ZBTB7C: variants seen among roughly 807,000 people sequenced by gnomAD.
ZBTB7C encodes zinc finger and BTB domain-containing protein 7C.
A neutral mutation model predicts 25.7 loss-of-function variants in ZBTB7C; 8 were observed. The observed-to-expected ratio is 0.31, with a 90% confidence interval of 0.18 to 0.56. The LOEUF (loss-of-function observed/expected upper bound fraction) is 0.56, where lower values mean the gene tolerates loss of function less well. ZBTB7C is among the 20% of genes least tolerant of loss of function. The probability of loss-of-function intolerance (pLI) is 0.91; values close to 1 mark genes in which losing one functional copy is unlikely to be tolerated. For missense variants in ZBTB7C, 824 were observed against 855.2 expected (o/e 0.96, Z 0.46); for synonymous variants, 394 against 369.0 (o/e 1.07, Z -0.78).
chr18:48,153,476 G>A (rs573187258), intron 3 of ZBTB7C, among the ~76,000 whole-genome samples: 1 of 152,266 alleles, frequency 6.6e-6, no homozygotes, highest in South Asian at 2.1e-4. Context: ...GTTGGGGTCT[G>A]CATGATGATT....
At chr18:48,218,797 C>A (rs942762667) in intron 2 of ZBTB7C, among the ~76,000 whole-genome samples, 1 of 152,198 alleles carries the variant, frequency 6.6e-6, no homozygotes, top group Non-Finnish European at 1.5e-5. Flanking sequence ...CAGGCCTGCC[C>A]TGCTACAGCT....
At chr18:48,328,553 T>C (rs1012857360) in intron 2 of ZBTB7C, among the ~76,000 whole-genome samples, 8 of 152,156 alleles carry the variant, frequency 5.3e-5, no homozygotes, top group African/African-American at 1.9e-4. Context: ...ATGTCCAAAG[T>C]AAGTCAGAGG....
intron 2 of ZBTB7C, among the ~76,000 whole-genome samples, chr18:48,195,340 G>A (rs907562717): frequency 2.6e-5 from 4 of 152,168 alleles, no homozygotes; most frequent in African/African-American, 9.7e-5. Context: ...GGGATGTGGT[G>A]GGAGGTAATT....
At chr18:48,373,919 C>T (rs1344397286) in intron 1 of ZBTB7C, among the ~76,000 whole-genome samples, 9 of 151,610 alleles carry the variant, frequency 5.9e-5, no homozygotes, top group Admixed American at 5.9e-4. Flanking sequence ...TGAGATCGCG[C>T]CACTGCACTC....
intron 2 of ZBTB7C, among the ~76,000 whole-genome samples, chr18:48,223,568 C>T (rs960958398): frequency 1.4e-4 from 22 of 152,280 alleles, no homozygotes; most frequent in African/African-American, 4.1e-4. Flanking sequence ...ACCCTAGACA[C>T]GTGTGCACAC....
intron 2 of ZBTB7C, among the ~76,000 whole-genome samples, chr18:48,315,025 T>C (rs2045915483): frequency 6.6e-6 from 1 of 152,168 alleles, no homozygotes; most frequent in African/African-American, 2.4e-5. Flanking sequence ...GCATGGCAGC[T>C]TCTGTCCTCT....
rs1302394192 is a variant in ZBTB7C, at chr18:48,367,202, T to TATATATACAC, written c.-303-28805_-303-28804insGTGTATATAT. ...ATATATATATATATATATATATATA[T>TATATATACAC]ACACACACACACACACACACACACA... On this transcript the variant is annotated intron_variant, in intron 1 of 4. Coordinates refer to ENST00000590800, the MANE Select transcript of ZBTB7C (RefSeq NM_001318841.2). Among the ~76,000 whole-genome samples the TATATATACAC allele has an allele frequency of 2.0e-3, 128 of 63,320 alleles. 2 individuals carry two copies. Among genetic ancestry groups the TATATATACAC allele is most frequent in the Admixed American group, 0.013 (81 of 6,056 alleles). 41.5% of individuals were successfully genotyped at this position (63,320 alleles called of 152,430 possible). A position where few individuals can be genotyped will look rare whatever the true frequency, so the allele number is the denominator to read the frequency against.
intron 3 of ZBTB7C, among the ~76,000 whole-genome samples, chr18:48,142,770 G>A (rs1181406769): frequency 6.6e-6 from 1 of 152,034 alleles, no homozygotes; most frequent in East Asian, 1.9e-4. Flanking sequence ...CTAGCTAGGG[G>A]AGGCAGATTC....
chr18:48,067,711 C>T (rs1266666297), intron 3 of ZBTB7C, among the ~76,000 whole-genome samples: 1 of 152,150 alleles, frequency 6.6e-6, no homozygotes, highest in Non-Finnish European at 1.5e-5. Context: ...TAAAATAAAT[C>T]TCTCTCTCAG....
intron 2 of ZBTB7C, among the ~76,000 whole-genome samples, chr18:48,262,279 C>T (rs1288179010): frequency 6.6e-6 from 1 of 152,200 alleles, no homozygotes; most frequent in African/African-American, 2.4e-5. Context: ...TTCATGCTTC[C>T]AGCCTCAGGA....
chr18:48,088,060 A>T (rs143510774), intron 3 of ZBTB7C, among the ~76,000 whole-genome samples: 1 of 152,298 alleles, frequency 6.6e-6, no homozygotes, highest in African/African-American at 2.4e-5. Flanking sequence ...TTTATCCTCC[A>T]TATCCACCTT....
chr18:48,078,971 C>T (rs897611192), intron 3 of ZBTB7C, among the ~76,000 whole-genome samples: 4 of 152,158 alleles, frequency 2.6e-5, no homozygotes, highest in Admixed American at 1.3e-4. Flanking sequence ...GATAGACATT[C>T]GGTTTAGTTT....
At chr18:48,339,943 G>A (rs181478080) in intron 1 of ZBTB7C, among the ~76,000 whole-genome samples, 16 of 152,290 alleles carry the variant, frequency 1.1e-4, no homozygotes, top group African/African-American at 3.8e-4. Context: ...GCCCTCTACA[G>A]CTCACACTCC....
At chr18:48,289,789 A>G (rs1244716037) in intron 2 of ZBTB7C, among the ~76,000 whole-genome samples, 6 of 152,092 alleles carry the variant, frequency 3.9e-5, no homozygotes, top group Non-Finnish European at 5.9e-5. Flanking sequence ...AGCATAGAAA[A>G]GTCCTAGAAG....
intron 2 of ZBTB7C, among the ~76,000 whole-genome samples, chr18:48,244,758 G>A (rs374689973): frequency 1.1e-4 from 17 of 152,132 alleles, no homozygotes; most frequent in African/African-American, 4.1e-4. Flanking sequence ...ACTCCTACAA[G>A]AAGGGCCATA....
At chr18:48,279,248 C>T (rs781312323) in intron 2 of ZBTB7C, among the ~76,000 whole-genome samples, 1 of 152,168 alleles carries the variant, frequency 6.6e-6, no homozygotes, top group Non-Finnish European at 1.5e-5. Flanking sequence ...ACATCCAGTA[C>T]TTACAGGCCT....
At chr18:48,132,811 A>G (rs2144782235) in intron 3 of ZBTB7C, among the ~76,000 whole-genome samples, 1 of 152,268 alleles carries the variant, frequency 6.6e-6, no homozygotes, top group South Asian at 2.1e-4. Context: ...GAAACAATTT[A>G]ACAGAATTGT....
chr18:48,296,706 C>T (rs1181040409), intron 2 of ZBTB7C, among the ~76,000 whole-genome samples: 3 of 152,088 alleles, frequency 2.0e-5, no homozygotes, highest in East Asian at 1.9e-4. Flanking sequence ...CCCCAGTCCC[C>T]GGGGCCACAG....
chr18:48,205,674 T>C (rs1172821845), intron 2 of ZBTB7C, among the ~76,000 whole-genome samples: 1 of 151,962 alleles, frequency 6.6e-6, no homozygotes, highest in African/African-American at 2.4e-5. Context: ...AAAGAGACCA[T>C]ATTCTGCAAC....
Sources: allele counts gnomAD v4.1 joint callset (sites outside exome capture counted in the v4.1 genomes callset), GRCh38; gene constraint gnomAD v4.1.1; transcripts MANE v1.5; gene names NCBI Gene and HGNC (gene_info 2026-07-23, HGNC 2026-07-21).